The following SLC5A7 variants were observed in gnomAD, a reference collection of about 807,000 sequenced individuals.
SLC5A7 encodes the protein high affinity choline transporter 1.
SLC5A7 carries 19 observed loss-of-function variants against 55.4 expected under a neutral mutation model. That is an observed-to-expected ratio of 0.34 (90% confidence interval 0.24 to 0.50). The LOEUF (loss-of-function observed/expected upper bound fraction) is 0.50, where lower values mean the gene tolerates loss of function less well. SLC5A7 is among the 20% of genes least tolerant of loss of function. SLC5A7 has a pLI of 0.98. For synonymous variants in SLC5A7, 265 were observed against 263.7 expected (o/e 1.00, Z -0.05); for missense variants, 506 against 705.3 (o/e 0.72, Z 3.20).
chr2:107,990,438 C>T (rs1677411480), intron 2 of SLC5A7, among the ~76,000 whole-genome samples: 1 of 151,908 alleles, frequency 6.6e-6, no homozygotes, highest in Admixed American at 6.6e-5. Context: ...TTCCAGTTGC[C>T]TGGTAGAAAG....
At chr2:108,002,163 G>A (rs1475596585) in intron 6 of SLC5A7, 123 bp downstream of exon 6, 6 of 1,176,672 alleles carry the variant, frequency 5.1e-6, no homozygotes, top group Non-Finnish European at 4.7e-6. Context: ...TCTGAATTGA[G>A]GACTCTCTAT....
chr2:108,010,736 G>A lies in SLC5A7; in HGVS notation c.1618G>A (p.Asp540Asn), dbSNP rs762569268. 18 of 1,613,718 alleles carry A rather than the reference G, an allele frequency of 1.1e-5. No homozygotes were observed. The East Asian group carries it at 3.3e-4, about 30-fold the overall frequency. Residue 540 changes from aspartate (D) to asparagine (N), a missense_variant, in exon 9 of 9, where the codon GAT becomes AAT. By Grantham distance (23) the Asp-to-Asn change is conservative (BLOSUM62 1). Around this residue, in one of 4 missense-constraint regions of SLC5A7, gnomAD observed 137 missense variants for 143.6 expected, o/e 0.95. Transcript: ENST00000264047. ...TGTCAAAAATGAAAATATTAAATTA[G>A]ATGAACTTGCACTTGTGAAGCCACG... ...ILVKNENIKL[D>N]ELALVKPRQS...
At chr2:107,996,736 C>G (rs1048594939) in intron 4 of SLC5A7, among the ~76,000 whole-genome samples, 1 of 152,096 alleles carries the variant, frequency 6.6e-6, no homozygotes, top group Non-Finnish European at 1.5e-5. Flanking sequence ...TAGGGACCAA[C>G]AAACACAATA....
intron 8 of SLC5A7, among the ~76,000 whole-genome samples, chr2:108,009,211 C>T (rs1678224989): frequency 6.6e-6 from 1 of 151,930 alleles, no homozygotes; most frequent in South Asian, 2.1e-4. Flanking sequence ...TAAAGCTTTT[C>T]CTCTCTCTAG....
chr2:108,012,559 T>C lies in SLC5A7; in HGVS notation c.*1698T>C, dbSNP rs2104387776. The C allele has an allele frequency of 6.6e-6, 1 of 152,282 alleles. No homozygotes were observed. The highest frequency in any genetic ancestry group is 1.9e-4 in the East Asian group (1 of 5,184). The allele number at this position is 152,282 out of a possible 1,614,324, so 9.4% of individuals were successfully genotyped here. On this transcript the variant is annotated 3_prime_UTR_variant, in exon 9 of 9. Coordinates refer to ENST00000264047, the MANE Select transcript of SLC5A7 (RefSeq NM_021815.5). The stretch of plus-strand genomic sequence containing the variant: ...ATAATTTTTAAAAGAGGAAATTAAA[T>C]AATTTTACATGTCTCATATTTTCAG...
At chr2:107,994,905 A>C (rs1677609032) in intron 4 of SLC5A7, among the ~76,000 whole-genome samples, 1 of 152,252 alleles carries the variant, frequency 6.6e-6, no homozygotes, top group South Asian at 2.1e-4. Context: ...TGAAGAAAGA[A>C]TAGAATTAAT....
At chr2:108,006,842 A>G (rs1023471944) in intron 7 of SLC5A7, among the ~76,000 whole-genome samples, 53 of 152,314 alleles carry the variant, frequency 3.5e-4, no homozygotes, top group African/African-American at 1.2e-3. Context: ...ACCTCCCTAA[A>G]GATCACTTTG....
chr2:107,988,437 C>T (rs1399688230), intron 2 of SLC5A7, 104 bp downstream of exon 2: 9 of 975,544 alleles, frequency 9.2e-6, no homozygotes, highest in Non-Finnish European at 1.3e-5. Flanking sequence ...GGTCTTTGTC[C>T]TTTGGGGATT....
intron 2 of SLC5A7, among the ~76,000 whole-genome samples, chr2:107,990,865 G>C (rs1374432722): frequency 6.6e-6 from 1 of 152,094 alleles, no homozygotes; most frequent in Non-Finnish European, 1.5e-5. Flanking sequence ...TGAGATTTTG[G>C]AAAATTCATC....
At position 108,010,893 on chromosome 2, in the gene SLC5A7, C is replaced by A; in HGVS notation, c.*32C>A. 1 of 1,529,210 alleles carries A rather than the reference C, an allele frequency of 6.5e-7. No homozygotes were observed. Among genetic ancestry groups the A allele is most frequent in the Non-Finnish European group, 8.7e-7 (1 of 1,149,740 alleles). 94.7% of individuals were successfully genotyped at this position (1,529,210 alleles called of 1,614,324 possible). A position where few individuals can be genotyped will look rare whatever the true frequency, so the allele number is the denominator to read the frequency against. On this transcript the variant is annotated 3_prime_UTR_variant, in exon 9 of 9. Transcript: ENST00000264047. The stretch of plus-strand genomic sequence containing the variant: ...CTAAATAAAATACTGCTTTTGCAAA[C>A]AGAACACTGTAATAGGGTAGTTCTG...
At chr2:107,993,799 A>C (rs754899242) in intron 4 of SLC5A7, among the ~76,000 whole-genome samples, 19 of 152,226 alleles carry the variant, frequency 1.2e-4, no homozygotes, top group Admixed American at 3.9e-4. Flanking sequence ...GCAGTAAATA[A>C]CATTCCTAAA....
chr2:108,002,818 G>T (rs1677966918), intron 6 of SLC5A7, among the ~76,000 whole-genome samples: 1 of 151,930 alleles, frequency 6.6e-6, no homozygotes, highest in Non-Finnish European at 1.5e-5. Flanking sequence ...AGGAGTTTGA[G>T]AACAGCCTGG....
intron 1 of SLC5A7, among the ~76,000 whole-genome samples, chr2:107,987,524 G>A (rs890335432): frequency 3.3e-5 from 5 of 151,820 alleles, no homozygotes; most frequent in Non-Finnish European, 5.9e-5. Context: ...TGTTGAAAAT[G>A]TGGAGTTTGA....
rs983084774 is a variant in SLC5A7 at position 108,012,147 on chromosome 2, A to C, written c.*1286A>C. 2 of 152,304 alleles carry C rather than the reference A, an allele frequency of 1.3e-5. No homozygotes were observed. Among genetic ancestry groups the C allele is most frequent in the East Asian group, 3.9e-4 (2 of 5,158 alleles). 9.4% of individuals were successfully genotyped at this position (152,304 alleles called of 1,614,324 possible). A position where few individuals can be genotyped will look rare whatever the true frequency, so the allele number is the denominator to read the frequency against. The stretch of plus-strand genomic sequence containing the variant: ...ACTATTTTGCTCCTTTTCTGGTGTT[A>C]CACATACACACTCATACGTGTGTGT... On this transcript the variant is annotated 3_prime_UTR_variant, in exon 9 of 9. Coordinates refer to ENST00000264047, the MANE Select transcript of SLC5A7 (RefSeq NM_021815.5).
At chr2:108,005,672 A>T (rs2104372453) in intron 6 of SLC5A7, among the ~76,000 whole-genome samples, 1 of 152,280 alleles carries the variant, frequency 6.6e-6, no homozygotes, top group Non-Finnish European at 1.5e-5. Flanking sequence ...GTGCCGGCAG[A>T]TTCACTGCCT....
Position 108,011,041 on chromosome 2 carries a change from G to A in SLC5A7, c.*180G>A. On this transcript the variant is annotated 3_prime_UTR_variant, in exon 9 of 9. Transcript: ENST00000264047. ...AAGCTAGAAGGAAGCACCTATGAAA[G>A]CAACAACTTTGTTTCTCATCCATAG... 1 of 532,834 alleles carries A rather than the reference G, an allele frequency of 1.9e-6. No homozygotes were observed. Among genetic ancestry groups the A allele is most frequent in the Non-Finnish European group, 3.0e-6 (1 of 335,450 alleles). The allele number at this position is 532,834 out of a possible 1,614,324, so 33.0% of individuals were successfully genotyped here. A position where few individuals can be genotyped will look rare whatever the true frequency, so the allele number is the denominator to read the frequency against.
At chr2:107,991,633 C>T (rs936867808) in intron 2 of SLC5A7, among the ~76,000 whole-genome samples, 3 of 152,098 alleles carry the variant, frequency 2.0e-5, no homozygotes, top group South Asian at 2.1e-4. Context: ...ATGCACACCA[C>T]TCCGTGAGGA....
Position 108,010,287 on chromosome 2 carries a change from C to T in SLC5A7, c.1169C>T (p.Ala390Val). 6.2e-7 allele frequency: 1 copy of T among 1,613,870 alleles called. No individual in the cohort carries two copies. Among genetic ancestry groups the T allele is most frequent in the Non-Finnish European group, 8.5e-7 (1 of 1,179,896 alleles). ...VMRITVFVFG[A>V]SATAMALLTK... ...CGAATCACAGTGTTTGTGTTTGGAG[C>T]ATCTGCAACAGCCATGGCCTTGCTG... The change falls in exon 9 of 9, where the codon GCA becomes GTA. Residue 390 changes from alanine to valine, a missense_variant. Around this residue, in one of 4 missense-constraint regions of SLC5A7, gnomAD observed 309 missense variants for 478.6 expected, o/e 0.65. Transcript: ENST00000264047.
chr2:107,998,857 T>C (rs1417451932), intron 5 of SLC5A7, among the ~76,000 whole-genome samples: 1 of 150,086 alleles, frequency 6.7e-6, no homozygotes, highest in Non-Finnish European at 1.5e-5. Context: ...TTGATTCTCC[T>C]CATCTTTATT....
Sources: allele counts gnomAD v4.1 joint callset (sites outside exome capture counted in the v4.1 genomes callset), GRCh38; gene constraint gnomAD v4.1.1; regional missense constraint gnomAD v4.1.1; transcripts MANE v1.5; gene names NCBI Gene and HGNC (gene_info 2026-07-23, HGNC 2026-07-21).